Variants in MLIP observed in about 807,000 individuals in gnomAD.
MLIP encodes muscular LMNA-interacting protein.
Under a neutral mutation model 84.8 loss-of-function variants are expected in MLIP, and 79 were observed. That is an observed-to-expected ratio of 0.93 (90% CI 0.78 to 1.12). MLIP has a LOEUF of 1.12. MLIP is among the 50% of genes most tolerant of loss of function. The pLI is 0.00. For missense variants in MLIP, 1,257 were observed against 1,160.6 expected, an observed-to-expected ratio of 1.08 and a Z score of -1.21; for synonymous variants, 504 against 463.0, an observed-to-expected ratio of 1.09 and a Z score of -1.14.
chr6:54,235,291 C>A (rs190715283), intron 12 of MLIP, among the ~76,000 whole-genome samples: 1 of 152,208 alleles, frequency 6.6e-6, no homozygotes, highest in African/African-American at 2.4e-5. Flanking sequence ...CCTTACTGTT[C>A]TACTTGTTCA....
intron 1 of MLIP, among the ~76,000 whole-genome samples, chr6:54,073,956 A>G (rs1460420751): frequency 6.6e-6 from 1 of 152,232 alleles, no homozygotes; most frequent in East Asian, 1.9e-4. Context: ...AAATTCTTGC[A>G]AGCAGCAATG....
chr6:54,125,876 G>A (rs1256898338), intron 3 of MLIP, among the ~76,000 whole-genome samples: 2 of 151,982 alleles, frequency 1.3e-5, no homozygotes, highest in African/African-American at 2.4e-5. Flanking sequence ...GAGCATTGGA[G>A]TTTTGGTGCC....
chr6:54,022,657 A>G (rs1299762189), intron 1 of MLIP, among the ~76,000 whole-genome samples: 1 of 151,830 alleles, frequency 6.6e-6, no homozygotes, highest in Non-Finnish European at 1.5e-5. Context: ...TTTACCTTCT[A>G]CTGAAATTTC....
At chr6:54,060,729 G>A (rs918221367) in intron 1 of MLIP, among the ~76,000 whole-genome samples, 3 of 152,094 alleles carry the variant, frequency 2.0e-5, no homozygotes, top group Non-Finnish European at 2.9e-5. Flanking sequence ...GAGAAAAAAG[G>A]TATTTAAATA....
upstream of MLIP, among the ~76,000 whole-genome samples, chr6:54,109,512 T>G (rs994386072): frequency 4.6e-5 from 7 of 152,140 alleles, no homozygotes; most frequent in Admixed American, 2.0e-4. Flanking sequence ...CTGTGCTTTA[T>G]GACTTACTGC....
At chr6:54,222,601 C>G (rs1441904748) in intron 11 of MLIP, among the ~76,000 whole-genome samples, 1 of 151,976 alleles carries the variant, frequency 6.6e-6, no homozygotes, top group African/African-American at 2.4e-5. Context: ...ATGTATTATA[C>G]CACCTTTCCT....
intron 11 of MLIP, among the ~76,000 whole-genome samples, chr6:54,220,922 T>TACACACAC (rs143689632): frequency 2.0e-5 from 3 of 150,502 alleles, no homozygotes. Context: ...AAAGGAGATA[T>TACACACAC]ACACACACAC....
upstream of MLIP, chr6:54,111,323 T>G (rs886380317): frequency 5.5e-6 from 7 of 1,278,822 alleles, no homozygotes; most frequent in Non-Finnish European, 7.2e-6. Flanking sequence ...AGAAATCTAC[T>G]CTTCGGAGCT....
At chr6:54,221,321 G>T (rs568740163) in intron 11 of MLIP, among the ~76,000 whole-genome samples, 1 of 151,914 alleles carries the variant, frequency 6.6e-6, no homozygotes, top group Admixed American at 6.6e-5. Context: ...CATTTGCTAT[G>T]GAAATAAATA....
intron 1 of MLIP, among the ~76,000 whole-genome samples, chr6:54,043,914 C>T (rs911924617): frequency 2.6e-5 from 4 of 152,226 alleles, no homozygotes; most frequent in African/African-American, 7.2e-5. Flanking sequence ...GTTTTCTCAG[C>T]TCAAAAGTGT....
At chr6:54,094,236 T>A (rs1358135546) in intron 1 of MLIP, among the ~76,000 whole-genome samples, 1 of 151,704 alleles carries the variant, frequency 6.6e-6, no homozygotes, top group African/African-American at 2.4e-5. Flanking sequence ...TTTTCCCTGG[T>A]ATCAAAATTC....
intron 11 of MLIP, chr6:54,217,807 C>T: frequency 1.0e-6 from 1 of 984,608 alleles, no homozygotes; most frequent in South Asian, 4.7e-5. Context: ...GATCCCTGTA[C>T]ATCCCTCAAA....
intron 1 of MLIP, among the ~76,000 whole-genome samples, chr6:54,039,384 G>A (rs1159775241): frequency 6.6e-6 from 1 of 151,938 alleles, no homozygotes; most frequent in Non-Finnish European, 1.5e-5. Context: ...TAAAATGGGT[G>A]AATGCTACTG....
rs76518653 is a variant in MLIP at position 54,019,821 on chromosome 6, G to A, written c.63+730G>A. ...AGCCCATAATAAGACCAAATTCATG[G>A]GAATACATTGTTCTAGATGTATGAA... On this transcript the variant is annotated intron_variant, in intron 1 of 12. Transcript: ENST00000274897. Among the ~76,000 whole-genome samples, 191 of 152,058 alleles carry A rather than the reference G, an allele frequency of 1.3e-3. 1 individual carries two copies. The highest frequency in any genetic ancestry group is 4.5e-3 in the African/African-American group (185 of 41,474).
intron 1 of MLIP, chr6:54,046,938 G>A (rs1765094171): frequency 6.6e-6 from 1 of 152,152 alleles, no homozygotes; most frequent in Admixed American, 6.5e-5. Context: ...AAACAAAAAA[G>A]TAAATTATCT....
At chr6:54,061,224 C>T (rs1307118093) in intron 1 of MLIP, among the ~76,000 whole-genome samples, 2 of 152,040 alleles carry the variant, frequency 1.3e-5, no homozygotes, top group Admixed American at 6.6e-5. Flanking sequence ...AAACACAATT[C>T]GCTCAGGAAG....
chr6:54,110,169 G>C (rs534240113), upstream of MLIP, among the ~76,000 whole-genome samples: 3 of 151,738 alleles, frequency 2.0e-5, no homozygotes, highest in South Asian at 4.2e-4. Context: ...TTTTTTAGTA[G>C]AGACAGGGTT....
Position 54,064,210 on chromosome 6 carries a change from A to G in MLIP, c.63+45119A>G, listed in dbSNP as rs1766139551. On this transcript the variant is annotated intron_variant, in intron 1 of 12. Coordinates refer to the MLIP transcript ENST00000274897. Reference sequence around the variant, plus strand: ...CAATCCCCAGTGTCAAGAGTTAACAACAGGTACACGTTTATTTGTCACCTA... The same window carrying G: ...CAATCCCCAGTGTCAAGAGTTAACAGCAGGTACACGTTTATTTGTCACCTA... 2.0e-5 allele frequency among the ~76,000 whole-genome samples: 2 copies of G among 100,192 alleles called. 1 individual carries two copies. 65.7% of individuals were successfully genotyped at this position (100,192 alleles called of 152,430 possible).
intron 1 of MLIP, among the ~76,000 whole-genome samples, chr6:54,098,610 G>T (rs1484275430): frequency 2.0e-5 from 3 of 152,096 alleles, no homozygotes; most frequent in Non-Finnish European, 2.9e-5. Flanking sequence ...GGGAAAAAAA[G>T]TCAACTATTT....
Sources: gnomAD v4.1 joint callset for allele counts (sites outside exome capture counted in the v4.1 genomes callset) on GRCh38, gnomAD v4.1.1 for gene constraint, MANE v1.5 for transcripts, NCBI Gene and HGNC (gene_info 2026-07-23, HGNC 2026-07-21) for gene names.